The following SPHKAP variants were observed in gnomAD, a reference collection of about 807,000 sequenced individuals.
SPHKAP encodes the protein SPHK1 interactor, AKAP domain containing.
In SPHKAP, 67 loss-of-function variants were observed where a neutral mutation model predicts 137.5. That is an observed-to-expected ratio of 0.49 (90% CI 0.40 to 0.60). The LOEUF is 0.60. SPHKAP is among the 20% of genes least tolerant of loss of function. The pLI is 0.00. For synonymous variants in SPHKAP, 813 were observed against 785.3 expected, an observed-to-expected ratio of 1.04 and a Z score of -0.59; for missense variants, 2,097 against 2,069.3, an observed-to-expected ratio of 1.01 and a Z score of -0.26.
rs560620926 is a variant in SPHKAP, at chr2:228,027,356, G to A, written c.306+128C>T. ...GAGGGTAAGTGCTAGGGAAAGGGTC[G>A]GGGAAATGGCCTGTAATGAAACTAT... On this transcript the variant is annotated intron_variant, in intron 4 of 11. Coordinates refer to ENST00000392056, the MANE Select transcript of SPHKAP (RefSeq NM_001142644.2). 77 of 954,252 alleles carry A rather than the reference G, an allele frequency of 8.1e-5. No homozygotes were observed. In the East Asian group the frequency reaches 9.6e-4, roughly 12 times the overall value. 59.1% of individuals were successfully genotyped at this position (954,252 alleles called of 1,614,324 possible).
intron 3 of SPHKAP, among the ~76,000 whole-genome samples, chr2:228,078,524 A>G (rs116120083): frequency 0.01 from 1,528 of 151,902 alleles, 40 homozygotes; most frequent in African/African-American, 0.035. Flanking sequence ...GTGTGACTGT[A>G]TCTCAATAAA....
chr2:228,098,956 G>C (rs1011357332), intron 3 of SPHKAP, among the ~76,000 whole-genome samples: 4 of 151,986 alleles, frequency 2.6e-5, no homozygotes, highest in Admixed American at 6.6e-5. Flanking sequence ...TATTGTTTGT[G>C]AATATTCTCT....
At chr2:228,012,610 A>G (rs1490453845) in intron 7 of SPHKAP, among the ~76,000 whole-genome samples, 5 of 152,114 alleles carry the variant, frequency 3.3e-5, no homozygotes, top group African/African-American at 1.2e-4. Context: ...TGTCTCTCCC[A>G]CTAGTGTGTA....
chr2:228,178,742 T>C (rs940645721), intron 1 of SPHKAP, among the ~76,000 whole-genome samples: 2 of 152,124 alleles, frequency 1.3e-5, no homozygotes, highest in Non-Finnish European at 2.9e-5. Context: ...ACATTTAATC[T>C]CTGCACAGCT....
intron 3 of SPHKAP, among the ~76,000 whole-genome samples, chr2:228,086,566 C>A (rs557919543): frequency 6.6e-6 from 1 of 152,200 alleles, no homozygotes; most frequent in East Asian, 1.9e-4. Flanking sequence ...TGAGGTACCA[C>A]CCTAGATATT....
At chr2:228,031,282 CTG>C (rs1695304523) in intron 3 of SPHKAP, among the ~76,000 whole-genome samples, 2 of 152,196 alleles carry the variant, frequency 1.3e-5, no homozygotes, top group South Asian at 4.1e-4. Flanking sequence ...GCACAGCAGT[CTG>C]AGATCAAACT....
intron 3 of SPHKAP, among the ~76,000 whole-genome samples, chr2:228,057,992 C>T (rs1280020320): frequency 1.3e-5 from 2 of 152,196 alleles, no homozygotes; most frequent in East Asian, 1.9e-4. Flanking sequence ...TTTCTCTCCA[C>T]TCTACTCCTG....
chr2:228,001,558 A>AAT (rs1184538943), intron 7 of SPHKAP, among the ~76,000 whole-genome samples: 1 of 146,032 alleles, frequency 6.8e-6, no homozygotes, highest in Non-Finnish European at 1.5e-5. Flanking sequence ...TATATATAAA[A>AAT]ATATATATAC....
intron 2 of SPHKAP, among the ~76,000 whole-genome samples, chr2:228,130,790 G>A (rs531939380): frequency 5.0e-4 from 76 of 151,968 alleles, no homozygotes; most frequent in African/African-American, 1.5e-3. Context: ...GAATTATAGC[G>A]CCTTAGTTCC....
intron 1 of SPHKAP, among the ~76,000 whole-genome samples, chr2:228,157,116 TA>T (rs1700129459): frequency 6.6e-6 from 1 of 152,074 alleles, no homozygotes; most frequent in Admixed American, 6.6e-5. Context: ...TAAATAAAAG[TA>T]AAATATGTAA....
At chr2:228,119,534 A>T (rs1373296559) in intron 2 of SPHKAP, among the ~76,000 whole-genome samples, 1 of 150,268 alleles carries the variant, frequency 6.7e-6, no homozygotes, top group African/African-American at 2.4e-5. Flanking sequence ...ATGTAATTTT[A>T]TACATTTAAC....
chr2:228,053,676 C>A (rs968126025), intron 3 of SPHKAP, among the ~76,000 whole-genome samples: 1 of 152,112 alleles, frequency 6.6e-6, no homozygotes, highest in African/African-American at 2.4e-5. Flanking sequence ...TGGTTATGTG[C>A]CTGCTACTTC....
chr2:228,154,168 T>A (rs1259304685), intron 1 of SPHKAP, among the ~76,000 whole-genome samples: 19 of 152,032 alleles, frequency 1.2e-4, no homozygotes, highest in Non-Finnish European at 7.4e-5. Context: ...AAATAAATAA[T>A]TAATAAAACG....
Position 228,181,491 on chromosome 2 carries a change from A to G in SPHKAP, c.32+76T>C. On this transcript the variant is annotated intron_variant, in intron 1 of 11. Transcript: ENST00000392056. This position sits in a 1 kb window ranked among gnomAD's most constrained non-coding sequence, Gnocchi z 4.3. ...CGTGCAAACCGAAGCGCTCTGGGGCAAGTTGGTGAGCGACTCACAACGCGG... is the reference window on the plus strand; with the variant it reads ...CGTGCAAACCGAAGCGCTCTGGGGCGAGTTGGTGAGCGACTCACAACGCGG... The G allele has an allele frequency of 6.2e-7, 1 of 1,607,638 alleles. No individual in the cohort carries two copies. Among genetic ancestry groups the G allele is most frequent in the Non-Finnish European group, 8.5e-7 (1 of 1,174,206 alleles).
At chr2:228,004,767 C>T (rs537523967) in intron 7 of SPHKAP, among the ~76,000 whole-genome samples, 38 of 152,170 alleles carry the variant, frequency 2.5e-4, no homozygotes, top group African/African-American at 8.2e-4. Flanking sequence ...TCTTTGTTCT[C>T]GTTGGTTTCA....
At chr2:227,996,132 C>T in intron 7 of SPHKAP, 1 of 985,152 alleles carries the variant, frequency 1.0e-6, no homozygotes, top group Non-Finnish European at 1.2e-6. Context: ...TAGAAAAATA[C>T]CTACCCCGTT....
At chr2:228,157,050 C>T (rs1201469147) in intron 1 of SPHKAP, among the ~76,000 whole-genome samples, 2 of 152,050 alleles carry the variant, frequency 1.3e-5, no homozygotes, top group Admixed American at 1.3e-4. Flanking sequence ...GACAAACATC[C>T]CTACCTTCGT....
chr2:228,069,543 C>T (rs1696942499), intron 3 of SPHKAP, among the ~76,000 whole-genome samples: 1 of 149,462 alleles, frequency 6.7e-6, no homozygotes, highest in African/African-American at 2.5e-5. Context: ...GCTTCAGCCT[C>T]TCAAAGTACT....
Position 228,018,374 on chromosome 2 carries a change from G to A in SPHKAP, c.2480C>T (p.Thr827Ile). ...CAGATATATTTCCTTGGAGGATGTTGTAGCAGTTGAAGAATCGGGCACTCT... is the reference window on the plus strand; with the variant it reads ...CAGATATATTTCCTTGGAGGATGTTATAGCAGTTGAAGAATCGGGCACTCT... The part of the protein sequence containing the change: ...SHRVPDSSTA[T>I]TSSKEIYLKG... Residue 827 changes from threonine to isoleucine, a missense_variant, in exon 7 of 12, where the codon ACA (threonine) becomes ATA (isoleucine). Transcript: ENST00000392056. 1 of 1,614,170 alleles carries A rather than the reference G, an allele frequency of 6.2e-7. No homozygotes were observed. The highest frequency in any genetic ancestry group is 8.5e-7 in the Non-Finnish European group (1 of 1,180,016).
Sources: gnomAD v4.1 joint callset for allele counts (sites outside exome capture counted in the v4.1 genomes callset) on GRCh38, gnomAD v4.1.1 for gene constraint, Gnocchi (gnomAD v3.1) non-coding constraint, MANE v1.5 for transcripts, NCBI Gene and HGNC (gene_info 2026-07-23, HGNC 2026-07-21) for gene names.